Variants in CCDC171 observed in about 807,000 individuals in gnomAD.
CCDC171 encodes the protein coiled-coil domain-containing protein 171.
Under a neutral mutation model 168.2 loss-of-function variants are expected in CCDC171, and 177 were observed. That is an observed-to-expected ratio of 1.05 (90% CI 0.93 to 1.19). The LOEUF (loss-of-function observed/expected upper bound fraction) is 1.19. CCDC171 is among the 50% of genes most tolerant of loss of function. The pLI is 0.00. For missense variants in CCDC171, 1,991 were observed against 1,539.0 expected (o/e 1.29, Z -4.91); for synonymous variants, 687 against 540.8 (o/e 1.27, Z -3.75).
intron 21 of CCDC171, among the ~76,000 whole-genome samples, chr9:15,804,828 G>A (rs930428656): frequency 2.0e-5 from 3 of 152,128 alleles, no homozygotes; most frequent in Non-Finnish European, 4.4e-5. Context: ...CAGTGGGAAT[G>A]GTACTGGCTC....
intron 6 of CCDC171, among the ~76,000 whole-genome samples, chr9:16,034,750 A>C (rs1279018774): frequency 6.6e-6 from 1 of 152,174 alleles, no homozygotes; most frequent in South Asian, 2.1e-4. Context: ...GACTTTACCT[A>C]CCAAAGCTTC....
chr9:16,068,671 G>A, the CCDC171 span, among the ~76,000 whole-genome samples: 26 of 152,002 alleles, frequency 1.7e-4, no homozygotes, highest in Non-Finnish European at 3.2e-4. Context: ...GTGAATCTAC[G>A]TAAATCACAG....
chr9:15,815,974 G>A lies in CCDC171; in HGVS notation c.3268-30728G>A, dbSNP rs376210026. Reference sequence around the variant, plus strand: ...TAAAAATAATAATTTTAGCAGAGAAGATTCAAGATAGAAGGTAGAAGATTC... The same window carrying A: ...TAAAAATAATAATTTTAGCAGAGAAAATTCAAGATAGAAGGTAGAAGATTC... On this transcript the variant is annotated intron_variant, in intron 21 of 25. Coordinates refer to ENST00000380701, the MANE Select transcript of CCDC171 (RefSeq NM_173550.4). Among the ~76,000 whole-genome samples the A allele has an allele frequency of 1.7e-5, 2 of 117,270 alleles. 1 individual carries two copies. Among genetic ancestry groups the A allele is most frequent in the African/African-American group, 6.3e-5 (2 of 31,538 alleles). 76.9% of individuals were successfully genotyped at this position (117,270 alleles called of 152,430 possible). A position where few individuals can be genotyped will look rare whatever the true frequency, so the allele number is the denominator to read the frequency against.
intron 23 of CCDC171, among the ~76,000 whole-genome samples, chr9:15,869,911 A>T (rs149845033): frequency 1.6e-4 from 24 of 151,798 alleles, no homozygotes; most frequent in Non-Finnish European, 2.1e-4. Flanking sequence ...TTAAAAAAAA[A>T]CTTTATAGGT....
chr9:15,717,875 C>G, intron 11 of CCDC171, among the ~76,000 whole-genome samples: 1 of 152,226 alleles, frequency 6.6e-6, no homozygotes, highest in East Asian at 1.9e-4. Flanking sequence ...AATCTGAGAT[C>G]TGCTGGTTTG....
intron 3 of CCDC171, among the ~76,000 whole-genome samples, chr9:16,002,855 T>C (rs983284145): frequency 6.6e-6 from 1 of 152,200 alleles, no homozygotes; most frequent in African/African-American, 2.4e-5. Context: ...TACTGCTGTG[T>C]TACAACTGCC....
intron 25 of CCDC171, among the ~76,000 whole-genome samples, chr9:15,963,885 A>C (rs962641901): frequency 1.3e-5 from 2 of 152,192 alleles, no homozygotes; most frequent in Non-Finnish European, 2.9e-5. Context: ...CTCTAAGCTA[A>C]ATTAGTTATA....
At position 15,623,475 on chromosome 9, in the gene CCDC171, GCACACACA is replaced by G. The variant is rs1554714957; in HGVS notation, c.822+87_822+94del. 101 of 315,420 alleles carry G rather than the reference GCACACACA, an allele frequency of 3.2e-4. 4 individuals are homozygous for G. Among genetic ancestry groups the G allele is most frequent in the Middle Eastern group, 1.7e-3 (2 of 1,156 alleles). The allele number at this position is 315,420 out of a possible 1,614,324, so 19.5% of individuals were successfully genotyped here. ...CAAACTTTCACATATGCGCGCGCGC[GCACACACA>G]CACACACACACACACACACACACAT... On this transcript the variant is annotated intron_variant, in intron 7 of 25. Transcript: ENST00000380701.
At chr9:15,833,725 A>C (rs1000237130) in intron 21 of CCDC171, among the ~76,000 whole-genome samples, 1 of 152,214 alleles carries the variant, frequency 6.6e-6, no homozygotes, top group African/African-American at 2.4e-5. Flanking sequence ...CATTAGATAA[A>C]AATAGCTAGG....
chr9:15,610,094 C>A (rs551089519), intron 6 of CCDC171, among the ~76,000 whole-genome samples: 1 of 151,624 alleles, frequency 6.6e-6, no homozygotes, highest in Non-Finnish European at 1.5e-5. Flanking sequence ...TTTGATGATA[C>A]CTTTCTTAGT....
intron 7 of CCDC171, among the ~76,000 whole-genome samples, chr9:15,636,640 T>C (rs971016803): frequency 6.6e-6 from 1 of 151,268 alleles, no homozygotes; most frequent in Non-Finnish European, 1.5e-5. Flanking sequence ...TCCCAGCTGC[T>C]TGGGAGGCTG....
At chr9:15,843,553 A>C (rs1416096401) in intron 21 of CCDC171, among the ~76,000 whole-genome samples, 4 of 152,072 alleles carry the variant, frequency 2.6e-5, no homozygotes, top group Non-Finnish European at 5.9e-5. Flanking sequence ...CTGATAACTG[A>C]ACCTGAAGTG....
chr9:15,900,184 C>A (rs1280720879), intron 24 of CCDC171, among the ~76,000 whole-genome samples: 1 of 152,162 alleles, frequency 6.6e-6, no homozygotes, highest in African/African-American at 2.4e-5. Flanking sequence ...TTAGGTTACT[C>A]ATCAAAAGAG....
chr9:15,609,610 G>A (rs3129709), intron 6 of CCDC171, among the ~76,000 whole-genome samples: 139,434 of 152,230 alleles, frequency 0.92, 64,072 homozygotes, highest in African/African-American at 0.98. Flanking sequence ...TTGATTTATA[G>A]TGTCATTTCC....
In CCDC171 at chr9:15,813,606, TTGTGTG is replaced by T. The variant is rs140437207; in HGVS notation, c.3267+28924_3267+28929del. ...ACATTTTACATACTTTTACATGTAT[TTGTGTG>T]TGTGTGTGTGTATATATATATATAT... On this transcript the variant is annotated intron_variant, in intron 21 of 25. Coordinates refer to ENST00000380701, the MANE Select transcript of CCDC171 (RefSeq NM_173550.4). Among the ~76,000 whole-genome samples, 3 of 149,924 alleles carry T rather than the reference TTGTGTG, an allele frequency of 2.0e-5. No homozygotes were observed. In the East Asian group the frequency reaches 5.9e-4, roughly 29 times the overall value.
chr9:15,817,686 A>C (rs181311160), intron 21 of CCDC171, among the ~76,000 whole-genome samples: 1 of 118,624 alleles, frequency 8.4e-6, no homozygotes, highest in Non-Finnish European at 1.9e-5. Flanking sequence ...TAGGTAAGCA[A>C]AGCAACCAGG....
At chr9:15,575,105 G>C (rs1218293597) in intron 3 of CCDC171, among the ~76,000 whole-genome samples, 1 of 143,348 alleles carries the variant, frequency 7.0e-6, no homozygotes, top group East Asian at 2.1e-4. Flanking sequence ...AACAGAGCAA[G>C]AAAATCCAGA....
At chr9:15,756,121 T>TAGA (rs1257981481) in intron 18 of CCDC171, among the ~76,000 whole-genome samples, 1 of 152,108 alleles carries the variant, frequency 6.6e-6, no homozygotes, top group Non-Finnish European at 1.5e-5. Flanking sequence ...GCTGGCTAGC[T>TAGA]AGAAGGTGGC....
intron 4 of CCDC171, 39 bp from the exon 5 acceptor site, chr9:15,591,327 T>G: frequency 7.6e-7 from 1 of 1,308,996 alleles, no homozygotes; most frequent in Non-Finnish European, 1.1e-6. Context: ...GTTATTTAAT[T>G]CATGGTTGTA....
Sources: gnomAD v4.1 joint callset for allele counts (sites outside exome capture counted in the v4.1 genomes callset) on GRCh38, gnomAD v4.1.1 for gene constraint, MANE v1.5 for transcripts, NCBI Gene and HGNC (gene_info 2026-07-23, HGNC 2026-07-21) for gene names.